The following ERO1A variants were observed in gnomAD, a reference collection of about 807,000 sequenced individuals.
The protein encoded by ERO1A is ERO1-like protein alpha.
In ERO1A, 49 loss-of-function variants were observed where a neutral mutation model predicts 76.9. The ratio of observed to expected loss-of-function variants is 0.64; its 90% CI spans 0.51 to 0.81. ERO1A has a LOEUF of 0.81. Ranked by LOEUF, ERO1A falls within the 30% of genes least tolerant of loss-of-function variation. The pLI is 0.00. For missense variants in ERO1A, 448 were observed against 542.1 expected (o/e 0.83, Z 1.72); for synonymous variants, 174 against 181.2 (o/e 0.96, Z 0.32).
At position 52,641,017 on chromosome 14, in the gene ERO1A, T is replaced by TAACA. The variant is rs941894222; in HGVS notation, c.*2549_*2552dup. 5.3e-5 allele frequency: 8 copies of TAACA among 152,044 alleles called. No individual in the cohort carries two copies. Among genetic ancestry groups the TAACA allele is most frequent in the African/African-American group, 1.9e-4 (8 of 41,476 alleles). 9.4% of individuals were successfully genotyped at this position (152,044 alleles called of 1,614,324 possible). ...AAAAAAAAAATGGAGGTCTGAGGAA[T>TAACA]AACATTTAAGGAATAAATGAAGAGG... On this transcript the variant is annotated 3_prime_UTR_variant, in exon 16 of 16. Coordinates refer to ENST00000395686, the MANE Select transcript of ERO1A (RefSeq NM_014584.3).
At chr14:52,659,406 A>C (rs2040157639) in intron 9 of ERO1A, among the ~76,000 whole-genome samples, 1 of 152,190 alleles carries the variant, frequency 6.6e-6, no homozygotes, top group Non-Finnish European at 1.5e-5. Context: ...AAACATAAAT[A>C]TCAAAATGTT....
In ERO1A at chr14:52,684,150, C is replaced by CACACACACACACAG. The variant is rs879218530; in HGVS notation, c.115-244_115-243insCTGTGTGTGTGTGT. On this transcript the variant is annotated intron_variant, in intron 1 of 15. Coordinates refer to ENST00000395686, the MANE Select transcript of ERO1A (RefSeq NM_014584.3). The stretch of plus-strand genomic sequence containing the variant: ...ACACACACACACACACACACACACA[C>CACACACACACACAG]AGAGAGAGTTGGCCCCCTGGCAACC... Among the ~76,000 whole-genome samples the CACACACACACACAG allele has an allele frequency of 8.0e-4, 112 of 139,378 alleles. 2 individuals carry two copies. In the South Asian group the frequency reaches 0.01, roughly 13 times the overall value. The allele number at this position is 139,378 out of a possible 152,430, so 91.4% of individuals were successfully genotyped here. A position where few individuals can be genotyped will look rare whatever the true frequency, so the allele number is the denominator to read the frequency against.
intron 6 of ERO1A, 185 bp downstream of exon 6, chr14:52,671,445 G>T: frequency 2.3e-6 from 1 of 438,124 alleles, no homozygotes; most frequent in Non-Finnish European, 4.1e-6. Flanking sequence ...ACTTTTTTCT[G>T]AGATGGGTCT....
intron 15 of ERO1A, among the ~76,000 whole-genome samples, chr14:52,644,477 A>G (rs2039576744): frequency 6.6e-6 from 1 of 152,212 alleles, no homozygotes; most frequent in Non-Finnish European, 1.5e-5. Flanking sequence ...TCTATATTTT[A>G]AGCATTCATA....
chr14:52,692,067 A>C (rs1046826482), intron 1 of ERO1A, among the ~76,000 whole-genome samples: 1 of 152,236 alleles, frequency 6.6e-6, no homozygotes, highest in Non-Finnish European at 1.5e-5. Context: ...CTGAAAGATC[A>C]GTTCCAGAAA....
chr14:52,686,291 C>T (rs952721935), intron 1 of ERO1A, among the ~76,000 whole-genome samples: 2 of 152,166 alleles, frequency 1.3e-5, no homozygotes, highest in East Asian at 1.9e-4. Context: ...TCACTGGAGA[C>T]CAGCACCATA....
Position 52,661,315 on chromosome 14 carries a change from A to G in ERO1A, c.677-11T>C. ...TACCTTCACTTGTCCCTGAAAAGCA[A>G]AACAAAATGTTTATTAAAATAAATT... On this transcript the variant is annotated splice_polypyrimidine_tract_variant and intron_variant, in intron 8 of 15. Coordinates refer to ENST00000395686, the MANE Select transcript of ERO1A (RefSeq NM_014584.3). 7.2e-7 allele frequency: 1 copy of G among 1,395,300 alleles called. No individual in the cohort carries two copies. The highest frequency in any genetic ancestry group is 9.5e-7 in the Non-Finnish European group (1 of 1,047,788). 86.4% of individuals were successfully genotyped at this position (1,395,300 alleles called of 1,614,324 possible). A position where few individuals can be genotyped will look rare whatever the true frequency, so the allele number is the denominator to read the frequency against.
chr14:52,675,877 G>T (rs1284367915), intron 4 of ERO1A, among the ~76,000 whole-genome samples: 1 of 152,044 alleles, frequency 6.6e-6, no homozygotes, highest in Non-Finnish European at 1.5e-5. Context: ...TAGACACGGG[G>T]TTTCACCATG....
At chr14:52,653,948 G>A (rs1199657994) in intron 11 of ERO1A, among the ~76,000 whole-genome samples, 1 of 152,044 alleles carries the variant, frequency 6.6e-6, no homozygotes, top group Non-Finnish European at 1.5e-5. Context: ...GACCTTAGGT[G>A]CAAGAAAATT....
chr14:52,654,578 G>A (rs778134697), intron 11 of ERO1A, among the ~76,000 whole-genome samples: 2 of 152,030 alleles, frequency 1.3e-5, no homozygotes, highest in Admixed American at 1.3e-4. Flanking sequence ...GCTGTGTAAC[G>A]GATGCTCCAT....
chr14:52,654,315 C>A lies in ERO1A; in HGVS notation c.809-1000G>T, dbSNP rs767149249. The stretch of plus-strand genomic sequence containing the variant: ...TTTTTATAAAATATAGTAGTGCACA[C>A]AAAACAATTTTTAGATGTATTTCCA... On this transcript the variant is annotated intron_variant, in intron 11 of 15. Coordinates refer to ENST00000395686, the MANE Select transcript of ERO1A (RefSeq NM_014584.3). 1.3e-3 allele frequency among the ~76,000 whole-genome samples: 202 copies of A among 152,070 alleles called. 1 individual carries two copies. Among genetic ancestry groups the A allele is most frequent in the Non-Finnish European group, 1.3e-3 (87 of 67,942 alleles).
intron 11 of ERO1A, among the ~76,000 whole-genome samples, chr14:52,656,117 G>T (rs1369011731): frequency 1.3e-5 from 2 of 151,980 alleles, no homozygotes; most frequent in African/African-American, 4.8e-5. Context: ...TGTATTTTTT[G>T]ATCAACATCT....
At chr14:52,685,453 A>C (rs2041147670) in intron 1 of ERO1A, among the ~76,000 whole-genome samples, 1 of 152,202 alleles carries the variant, frequency 6.6e-6, no homozygotes, top group Non-Finnish European at 1.5e-5. Flanking sequence ...TTCTAACCTA[A>C]ATGATATGAT....
chr14:52,679,418 A>T (rs1340326885), intron 3 of ERO1A, among the ~76,000 whole-genome samples: 1 of 146,854 alleles, frequency 6.8e-6, no homozygotes, highest in African/African-American at 2.5e-5. Flanking sequence ...CCTTCCAATG[A>T]TTTTTTTTTT....
intron 1 of ERO1A, among the ~76,000 whole-genome samples, chr14:52,684,343 G>A (rs1164137739): frequency 6.6e-6 from 1 of 152,092 alleles, no homozygotes; most frequent in African/African-American, 2.4e-5. Flanking sequence ...CATGTGAACT[G>A]AGGAGCACAT....
chr14:52,661,249 T>C (rs777583223), intron 9 of ERO1A, 44 bp downstream of exon 9: 3 of 787,964 alleles, frequency 3.8e-6, no homozygotes, highest in Admixed American at 6.0e-5. Context: ...CATCTGAATG[T>C]ATAAACAAAT....
Position 52,653,308 on chromosome 14 carries a change from C to T in ERO1A, c.816G>A (p.Trp272Ter). ...TGTTGTGTCCCCATTTCTTTTCTAACCAGGTCTCTAAGAAGGAAGAAGAAT... is the reference window on the plus strand; with the variant it reads ...TGTTGTGTCCCCATTTCTTTTCTAATCAGGTCTCTAAGAAGGAAGAAGAAT... ...LSARYLLQET[W>*]LEKKWGHNIT... Residue 272 changes from tryptophan (W) to a stop codon, truncating the protein, a stop_gained, in exon 12 of 16, where the codon TGG becomes TGA. Transcript: ENST00000395686. LOFTEE classifies it high-confidence loss of function. The T allele has an allele frequency of 8.2e-6, 13 of 1,590,874 alleles. No homozygotes were observed. The highest frequency in any genetic ancestry group is 1.1e-5 in the Non-Finnish European group (13 of 1,171,468).
At chr14:52,694,292 T>C (rs536734911) in intron 1 of ERO1A, among the ~76,000 whole-genome samples, 7 of 152,212 alleles carry the variant, frequency 4.6e-5, no homozygotes, top group Non-Finnish European at 8.8e-5. Flanking sequence ...AATGTCTCAG[T>C]TGTAAAGTAG....
Position 52,658,163 on chromosome 14 carries a change from GAAAAAT to G in ERO1A, c.689-19_689-14del, listed in dbSNP as rs2040114053. On this transcript the variant is annotated splice_polypyrimidine_tract_variant and intron_variant, in intron 9 of 15. Coordinates refer to ENST00000395686, the MANE Select transcript of ERO1A (RefSeq NM_014584.3). ...TAAAAAGTGTTCTCTGAAATCAAAA[GAAAAAT>G]AAGTCATAAGAATAGAAAAATGCCA... 6.8e-7 allele frequency: 1 copy of G among 1,479,426 alleles called. No homozygotes were observed. Among genetic ancestry groups the G allele is most frequent in the East Asian group, 2.3e-5 (1 of 43,764 alleles). 91.6% of individuals were successfully genotyped at this position (1,479,426 alleles called of 1,614,324 possible). A position where few individuals can be genotyped will look rare whatever the true frequency, so the allele number is the denominator to read the frequency against.
Sources: gnomAD v4.1 joint callset for allele counts (sites outside exome capture counted in the v4.1 genomes callset) on GRCh38, gnomAD v4.1.1 for gene constraint, MANE v1.5 for transcripts, NCBI Gene and HGNC (gene_info 2026-07-23, HGNC 2026-07-21) for gene names.